The following SERPINA12 variants were observed in gnomAD, a reference collection of about 807,000 sequenced individuals.
SERPINA12 encodes serpin A12.
SERPINA12 carries 21 observed loss-of-function variants against 25.9 expected under a neutral mutation model. The ratio of observed to expected loss-of-function variants is 0.81; its 90% CI spans 0.58 to 1.17. The LOEUF (loss-of-function observed/expected upper bound fraction) is 1.17, where lower values mean the gene tolerates loss of function less well. SERPINA12 is among the 50% of genes most tolerant of loss of function. The pLI is 0.00. For synonymous variants in SERPINA12, 220 were observed against 196.0 expected, an observed-to-expected ratio of 1.12 and a Z score of -1.02; for missense variants, 562 against 508.3, an observed-to-expected ratio of 1.11 and a Z score of -1.02.
At chr14:94,497,461 T>A (rs1900484140) in intron 2 of SERPINA12, among the ~76,000 whole-genome samples, 1 of 152,236 alleles carries the variant, frequency 6.6e-6, no homozygotes, top group Admixed American at 6.5e-5. Flanking sequence ...TTTTTTCTCA[T>A]CTAAGTGATG....
upstream of SERPINA12, chr14:94,510,048 C>G (rs2139865265): frequency 1.0e-6 from 1 of 985,440 alleles, no homozygotes; most frequent in East Asian, 1.1e-4. Flanking sequence ...CTCCCGAGCT[C>G]TGGGACGTCT....
intron 1 of SERPINA12, among the ~76,000 whole-genome samples, chr14:94,507,136 T>C (rs1951024): frequency 1 from 152,001 of 152,378 alleles, 75,818 homozygotes; most frequent in Middle Eastern, 1. Flanking sequence ...AAATAGTGAC[T>C]ATTTTACTCA....
At chr14:94,504,994 C>G (rs1900881633) in intron 1 of SERPINA12, among the ~76,000 whole-genome samples, 1 of 152,212 alleles carries the variant, frequency 6.6e-6, no homozygotes, top group African/African-American at 2.4e-5. Context: ...CCCACTGATG[C>G]TGGGATGGAA....
chr14:94,487,359 C>T lies in SERPINA12; in HGVS notation c.1189G>A (p.Glu397Lys), dbSNP rs777645173. The change falls in exon 5 of 5, where the codon GAG becomes AAG. Residue 397 changes from glutamate (E) to lysine (K), a missense_variant. Coordinates refer to ENST00000677451, the MANE Select transcript of SERPINA12 (RefSeq NM_001382267.1). ...DKPYLLLIYS[E>K]KIPSVLFLGK... ...AGGAAGAGCACGGAAGGTATTTTCT[C>T]GCTGTAAATCAGCAGCAGATAGGGT... The T allele has an allele frequency of 6.9e-5, 111 of 1,613,948 alleles. No individual in the cohort carries two copies. Among genetic ancestry groups the T allele is most frequent in the Non-Finnish European group, 8.9e-5 (105 of 1,179,998 alleles).
At chr14:94,496,738 G>C in intron 2 of SERPINA12, 95 bp from the exon 3 acceptor site, 1 of 1,032,878 alleles carries the variant, frequency 9.7e-7, no homozygotes, top group East Asian at 2.4e-5. Context: ...ACAGATTCAG[G>C]GTGAAAGGGG....
intron 1 of SERPINA12, chr14:94,503,334 A>G (rs1206319357): frequency 1.0e-6 from 1 of 985,002 alleles, no homozygotes; most frequent in South Asian, 4.7e-5. Flanking sequence ...CCACTTGTTA[A>G]TTTGCCCTGT....
chr14:94,500,697 T>G (rs117209833), intron 1 of SERPINA12, among the ~76,000 whole-genome samples: 1 of 152,064 alleles, frequency 6.6e-6, no homozygotes, highest in Non-Finnish European at 1.5e-5. Context: ...GTGAGGGAAG[T>G]GACTCTAAGA....
At chr14:94,515,195 G>A (rs1028520400) in intron 2 of SERPINA12, among the ~76,000 whole-genome samples, 9 of 152,308 alleles carry the variant, frequency 5.9e-5, no homozygotes, top group African/African-American at 1.9e-4. Context: ...CTGTGGGAGA[G>A]GCTGATGATT....
At chr14:94,496,758 G>A (rs1900444704) in intron 2 of SERPINA12, 115 bp from the exon 3 acceptor site, 3 of 861,964 alleles carry the variant, frequency 3.5e-6, no homozygotes, top group Non-Finnish European at 5.4e-6. Context: ...GATATTCCGG[G>A]ATATCAGGGA....
At chr14:94,487,785 G>A (rs1456541722) in intron 4 of SERPINA12, among the ~76,000 whole-genome samples, 1 of 152,228 alleles carries the variant, frequency 6.6e-6, no homozygotes, top group Non-Finnish European at 1.5e-5. Context: ...TTACAGGGAA[G>A]CATCAACCAT....
chr14:94,509,730 C>T (rs1901059328), upstream of SERPINA12, among the ~76,000 whole-genome samples: 1 of 152,230 alleles, frequency 6.6e-6, no homozygotes, highest in Admixed American at 6.5e-5. Flanking sequence ...TCTGTAGATT[C>T]ACTGATGAGG....
At chr14:94,503,318 C>G in intron 1 of SERPINA12, 1 of 985,216 alleles carries the variant, frequency 1.0e-6, no homozygotes. Context: ...AGAACATGTC[C>G]CCATTCCACT....
At chr14:94,495,253 A>G (rs1900363422) in intron 3 of SERPINA12, among the ~76,000 whole-genome samples, 1 of 151,112 alleles carries the variant, frequency 6.6e-6, no homozygotes, top group Non-Finnish European at 1.5e-5. Flanking sequence ...TATTTTTAGT[A>G]GAGACAGGGT....
chr14:94,514,279 C>T (rs1425464491), upstream of SERPINA12, among the ~76,000 whole-genome samples: 1 of 152,254 alleles, frequency 6.6e-6, no homozygotes, highest in Non-Finnish European at 1.5e-5. Context: ...ACCCAAAGGG[C>T]CACCAGTGTG....
chr14:94,509,123 G>A (rs908482353), intron 1 of SERPINA12, among the ~76,000 whole-genome samples: 1 of 152,098 alleles, frequency 6.6e-6, no homozygotes, highest in African/African-American at 2.4e-5. Flanking sequence ...ATGAAAGCAT[G>A]GCCACAGCAT....
Position 94,514,952 on chromosome 14 carries a change from G to A in SERPINA12, c.-18+868C>T, listed in dbSNP as rs142310163. ...CCCCGAGGCAGAGGCCAACTTCCAC[G>A]GACTGAGGAAACCCACGGTGGCCGG... On this transcript the variant is annotated intron_variant, in intron 2 of 5. Coordinates refer to the SERPINA12 transcript ENST00000341228. Among the ~76,000 whole-genome samples, 272 of 152,298 alleles carry A rather than the reference G, an allele frequency of 1.8e-3. 1 individual carries two copies. Among genetic ancestry groups the A allele is most frequent in the African/African-American group, 6.1e-3 (252 of 41,556 alleles).
At chr14:94,511,968 C>A (rs751421325), upstream of SERPINA12, among the ~76,000 whole-genome samples, 1 of 152,054 alleles carries the variant, frequency 6.6e-6, no homozygotes. Context: ...AGTGGTGTCT[C>A]GCACCAGTGG....
intron 1 of SERPINA12, among the ~76,000 whole-genome samples, chr14:94,507,065 A>T (rs1043414115): frequency 5.3e-5 from 8 of 152,232 alleles, no homozygotes; most frequent in African/African-American, 1.7e-4. Context: ...CCTTTCAATG[A>T]ATGATGAAAA....
chr14:94,495,078 T>C (rs1464246116), intron 3 of SERPINA12, among the ~76,000 whole-genome samples: 1 of 142,492 alleles, frequency 7.0e-6, no homozygotes, highest in Admixed American at 7.0e-5. Context: ...TTTTTTTTTT[T>C]TTTTTTTTGA....
Sources: allele counts gnomAD v4.1 joint callset (sites outside exome capture counted in the v4.1 genomes callset), GRCh38; gene constraint gnomAD v4.1.1; transcripts MANE v1.5; gene names NCBI Gene and HGNC (gene_info 2026-07-23, HGNC 2026-07-21).